The following ERCC6L2 variants were observed in gnomAD, a reference collection of about 807,000 sequenced individuals.
The protein encoded by ERCC6L2 is DNA excision repair protein ERCC-6-like 2.
Under a neutral mutation model 132.0 loss-of-function variants are expected in ERCC6L2, and 77 were observed. The ratio of observed to expected loss-of-function variants is 0.58; its 90% CI spans 0.49 to 0.71. The LOEUF (loss-of-function observed/expected upper bound fraction) is 0.71. Ranked by LOEUF, ERCC6L2 falls within the 30% of genes least tolerant of loss-of-function variation. ERCC6L2 has a pLI of 0.00. For missense variants in ERCC6L2, 1,542 were observed against 1,837.6 expected (o/e 0.84, Z 2.94); for synonymous variants, 583 against 632.4 (o/e 0.92, Z 1.17).
At chr9:95,917,528 G>A (rs1287222153) in intron 6 of ERCC6L2, among the ~76,000 whole-genome samples, 1 of 152,180 alleles carries the variant, frequency 6.6e-6, no homozygotes, top group African/African-American at 2.4e-5. Flanking sequence ...AGATACATCT[G>A]ACTTTTGATA....
At chr9:95,886,475 A>G (rs1438573434) in intron 2 of ERCC6L2, among the ~76,000 whole-genome samples, 2 of 152,214 alleles carry the variant, frequency 1.3e-5, no homozygotes, top group African/African-American at 4.8e-5. Context: ...CAGGCACAGA[A>G]GTAATAATTT....
intron 12 of ERCC6L2, among the ~76,000 whole-genome samples, chr9:95,949,039 GAA>G (rs1243581014): frequency 6.6e-6 from 1 of 151,634 alleles, no homozygotes; most frequent in Non-Finnish European, 1.5e-5. Flanking sequence ...ATTAAAAAAA[GAA>G]AAAAAGAGAG....
At chr9:95,906,362 T>C (rs900406985) in intron 3 of ERCC6L2, among the ~76,000 whole-genome samples, 1 of 152,066 alleles carries the variant, frequency 6.6e-6, no homozygotes, top group African/African-American at 2.4e-5. Flanking sequence ...GAAAAGTTAA[T>C]CAGGTAGGGG....
rs140501424 is a variant in ERCC6L2 at position 95,978,841 on chromosome 9, G to A, written c.3492+626G>A. 9.8e-3 allele frequency among the ~76,000 whole-genome samples: 1,486 copies of A among 152,044 alleles called. 15 individuals carry two copies. Among genetic ancestry groups the A allele is most frequent in the Middle Eastern group, 0.041 (12 of 294 alleles). On this transcript the variant is annotated intron_variant, in intron 17 of 18. Transcript: ENST00000653738. ...GGAGTAATTTTACTATTACTTTATG[G>A]GCAAGAGTTCAGAATGCATACTGTA...
At position 95,970,789 on chromosome 9, in the gene ERCC6L2, G is replaced by A. The variant is rs1170228006; in HGVS notation, c.2181+133G>A. ...TAAGAGTCAAGGACACAAAGTCAGAGGACTATGGATAAAATTAATAATTAA... is the reference window on the plus strand; with the variant it reads ...TAAGAGTCAAGGACACAAAGTCAGAAGACTATGGATAAAATTAATAATTAA... On this transcript the variant is annotated intron_variant, in intron 15 of 18. Transcript: ENST00000653738. 3.0e-5 allele frequency: 13 copies of A among 436,670 alleles called. 1 individual carries two copies. In the East Asian group the frequency reaches 9.9e-4, roughly 33 times the overall value. The allele number at this position is 436,670 out of a possible 1,614,324, so 27.0% of individuals were successfully genotyped here. A position where few individuals can be genotyped will look rare whatever the true frequency, so the allele number is the denominator to read the frequency against.
chr9:96,034,084 G>A (rs372269678), intron 19 of ERCC6L2, among the ~76,000 whole-genome samples: 2 of 152,342 alleles, frequency 1.3e-5, no homozygotes, highest in South Asian at 2.1e-4. Context: ...CCCAGATGCC[G>A]CCATTCTCCC....
chr9:95,946,049 G>A (rs1831048182), intron 12 of ERCC6L2, among the ~76,000 whole-genome samples: 1 of 152,086 alleles, frequency 6.6e-6, no homozygotes, highest in Non-Finnish European at 1.5e-5. Flanking sequence ...AATTAAGAAT[G>A]GATGGCAATG....
chr9:95,909,936 G>A lies in ERCC6L2; in HGVS notation c.788+2665G>A, dbSNP rs147704042. 8.5e-5 allele frequency among the ~76,000 whole-genome samples: 13 copies of A among 152,284 alleles called. No homozygotes were observed. In the East Asian group the frequency reaches 1.3e-3, roughly 16 times the overall value. ...TCAGTTGCTTCGTATTCTCAGCAAC[G>A]TTTGGTATTGTCAGTCTTTTTGTTT... On this transcript the variant is annotated intron_variant, in intron 4 of 18. Transcript: ENST00000653738.
intron 16 of ERCC6L2, among the ~76,000 whole-genome samples, chr9:95,977,625 A>G (rs1832724309): frequency 6.6e-6 from 1 of 152,226 alleles, no homozygotes; most frequent in African/African-American, 2.4e-5. Context: ...AAAGCCAATC[A>G]AACGAAACTC....
chr9:95,965,024 C>A (rs1025332971), intron 13 of ERCC6L2, among the ~76,000 whole-genome samples: 2 of 152,104 alleles, frequency 1.3e-5, no homozygotes, highest in African/African-American at 4.8e-5. Flanking sequence ...GGTAGGTACC[C>A]GGGCTATCAC....
At chr9:95,966,521 A>AGC in intron 13 of ERCC6L2, 41 bp from the exon 14 acceptor site, 1 of 1,414,824 alleles carries the variant, frequency 7.1e-7, no homozygotes, top group Non-Finnish European at 9.4e-7. Context: ...ATATTGTTGG[A>AGC]GCAAACACTT....
intron 11 of ERCC6L2, among the ~76,000 whole-genome samples, chr9:95,931,861 G>A (rs918063645): frequency 6.6e-6 from 1 of 151,672 alleles, no homozygotes; most frequent in African/African-American, 2.4e-5. Context: ...TTCAACTCTG[G>A]AAAATGCTTT....
intron 2 of ERCC6L2, among the ~76,000 whole-genome samples, chr9:95,892,115 A>G (rs1022139825): frequency 7.2e-5 from 11 of 152,188 alleles, no homozygotes; most frequent in African/African-American, 2.4e-4. Flanking sequence ...AATTTAAAAA[A>G]TAGGACTATT....
chr9:95,960,147 A>G (rs1043303988), intron 13 of ERCC6L2, among the ~76,000 whole-genome samples: 3 of 152,112 alleles, frequency 2.0e-5, no homozygotes, highest in Admixed American at 1.3e-4. Context: ...AAATTTTTCT[A>G]ATATTCAGAA....
intron 12 of ERCC6L2, among the ~76,000 whole-genome samples, chr9:95,951,408 G>A (rs528437364): frequency 6.6e-6 from 1 of 152,002 alleles, no homozygotes; most frequent in African/African-American, 2.4e-5. Flanking sequence ...ACTAGGAAAA[G>A]GAAAAACCCC....
At chr9:95,969,322 A>C (rs1264031845) in intron 14 of ERCC6L2, among the ~76,000 whole-genome samples, 1 of 152,202 alleles carries the variant, frequency 6.6e-6, no homozygotes, top group Non-Finnish European at 1.5e-5. Flanking sequence ...AGACTATAGA[A>C]GTACAAGGAC....
rs548626926 is a variant in ERCC6L2, at chr9:95,909,935, C to T, written c.788+2664C>T. Among the ~76,000 whole-genome samples the T allele has an allele frequency of 2.6e-4, 39 of 152,228 alleles. 1 individual carries two copies. The highest frequency in any genetic ancestry group is 3.4e-3 in the Middle Eastern group (1 of 294). On this transcript the variant is annotated intron_variant, in intron 4 of 18. Coordinates refer to ENST00000653738, the MANE Select transcript of ERCC6L2 (RefSeq NM_020207.7). ...TTCAGTTGCTTCGTATTCTCAGCAA[C>T]GTTTGGTATTGTCAGTCTTTTTGTT...
chr9:95,912,456 A>G (rs59245543), intron 4 of ERCC6L2, among the ~76,000 whole-genome samples: 1,679 of 152,226 alleles, frequency 0.011, 42 homozygotes, highest in African/African-American at 0.038. Context: ...GTGTGTGTCT[A>G]TGTCTATGTC....
At chr9:95,926,825 TAAAC>T (rs978958010) in intron 9 of ERCC6L2, among the ~76,000 whole-genome samples, 12 of 152,204 alleles carry the variant, frequency 7.9e-5, no homozygotes, top group Admixed American at 2.0e-4. Context: ...TTGTTACAAA[TAAAC>T]CACACCAATA....
Sources: gnomAD v4.1 joint callset for allele counts (sites outside exome capture counted in the v4.1 genomes callset) on GRCh38, gnomAD v4.1.1 for gene constraint, MANE v1.5 for transcripts, NCBI Gene and HGNC (gene_info 2026-07-23, HGNC 2026-07-21) for gene names.